PLBD2: variants seen among roughly 807,000 people sequenced by gnomAD.
PLBD2 encodes putative aminopeptidase PLBD2.
A neutral mutation model predicts 68.3 loss-of-function variants in PLBD2; 51 were observed. The ratio of observed to expected loss-of-function variants is 0.75; its 90% CI spans 0.60 to 0.94. The LOEUF is 0.94. Ranked by LOEUF, PLBD2 falls within the 40% of genes least tolerant of loss-of-function variation. The pLI, the probability that PLBD2 is intolerant of heterozygous loss-of-function variation, is 0.00. For synonymous variants in PLBD2, 314 were observed against 339.3 expected (o/e 0.93, Z 0.82); for missense variants, 729 against 792.2 (o/e 0.92, Z 0.96).
At chr12:113,371,824 C>A (rs1957391203) in intron 2 of PLBD2, among the ~76,000 whole-genome samples, 1 of 152,240 alleles carries the variant, frequency 6.6e-6, no homozygotes, top group African/African-American at 2.4e-5. Flanking sequence ...ACCATTCAAC[C>A]TCAGCTCTGT....
intron 8 of PLBD2, 77 bp from the exon 9 acceptor site, chr12:113,385,135 G>A: frequency 6.7e-7 from 1 of 1,484,572 alleles, no homozygotes; most frequent in South Asian, 1.2e-5. Flanking sequence ...GGAGCCATCG[G>A]GGCTCCCCGA....
intron 1 of PLBD2, among the ~76,000 whole-genome samples, chr12:113,367,466 G>A (rs1265353297): frequency 4.6e-5 from 7 of 152,112 alleles, no homozygotes; most frequent in Admixed American, 4.6e-4. Context: ...TAGAAGTGCA[G>A]AGCCCGGGCA....
chr12:113,383,127 A>G (rs1957512540), intron 6 of PLBD2, among the ~76,000 whole-genome samples: 1 of 152,154 alleles, frequency 6.6e-6, no homozygotes, highest in African/African-American at 2.4e-5. Flanking sequence ...AGGCAATCGG[A>G]GGCAGCGGTG....
chr12:113,387,756 C>T lies in PLBD2; in HGVS notation c.1452C>T (p.Phe484=), dbSNP rs139158811. Residue 484 remains phenylalanine (F), a synonymous_variant, in exon 11 of 12, where the codon TTC becomes TTT. Transcript: ENST00000280800. ...SMVRLMRYND[F]LHDPLSLCKA... is the part of the protein sequence containing the mutation. ...TTTCCCCATCCAGGTACAATGACTT[C>T]CTCCATGACCCTCTGTCACTGTGCA... The T allele has an allele frequency of 6.2e-7, 1 of 1,613,876 alleles. No individual in the cohort carries two copies. The highest frequency in any genetic ancestry group is 1.3e-5 in the African/African-American group (1 of 74,932).
rs1186066926 is a variant in PLBD2, at chr12:113,358,642, C to CCGGGCGCTGACG, written c.52_63dup (p.Thr18_Leu21dup). 7 of 1,464,292 alleles carry CCGGGCGCTGACG rather than the reference C, an allele frequency of 4.8e-6. No homozygotes were observed. Among genetic ancestry groups the CCGGGCGCTGACG allele is most frequent in the East Asian group, 3.0e-5 (1 of 32,948 alleles). 90.7% of individuals were successfully genotyped at this position (1,464,292 alleles called of 1,614,324 possible). On this transcript the variant is annotated inframe_insertion, in exon 1 of 12. Coordinates refer to ENST00000280800, the MANE Select transcript of PLBD2 (RefSeq NM_173542.4). ...ACTGCTACCCCGGCAGCCACCTGGC[C>CCGGGCGCTGACG]CGGGCGCTGACGCGGGCGCTGGCGC...
At chr12:113,374,305 G>C (rs1407269555) in intron 3 of PLBD2, among the ~76,000 whole-genome samples, 169 bp from the exon 4 acceptor site, 1 of 152,158 alleles carries the variant, frequency 6.6e-6, no homozygotes, top group Non-Finnish European at 1.5e-5. Context: ...GCTCAGCATG[G>C]AGGGGTGGGT....
intron 2 of PLBD2, among the ~76,000 whole-genome samples, chr12:113,371,436 A>G (rs1261872157): frequency 1.3e-5 from 2 of 152,178 alleles, no homozygotes; most frequent in African/African-American, 2.4e-5. Flanking sequence ...GTCCAGTGGG[A>G]CACCCTTTTA....
chr12:113,387,502 T>G (rs1593293158), intron 10 of PLBD2, among the ~76,000 whole-genome samples: 1 of 152,068 alleles, frequency 6.6e-6, no homozygotes, highest in South Asian at 2.1e-4. Context: ...GCTGGGGTGG[T>G]GGCATGGAGG....
At chr12:113,378,324 C>T (rs906197799) in intron 5 of PLBD2, among the ~76,000 whole-genome samples, 6 of 151,916 alleles carry the variant, frequency 3.9e-5, no homozygotes, top group African/African-American at 1.2e-4. Flanking sequence ...GGGTGGGCTT[C>T]ATGCATGGAA....
intron 3 of PLBD2, among the ~76,000 whole-genome samples, chr12:113,373,263 G>C (rs1285720328): frequency 6.6e-6 from 1 of 152,252 alleles, no homozygotes; most frequent in East Asian, 1.9e-4. Context: ...GCAGCTAACG[G>C]AGAGGCCCAG....
intron 1 of PLBD2, among the ~76,000 whole-genome samples, chr12:113,364,959 C>T (rs1318814230): frequency 6.6e-6 from 1 of 152,130 alleles, no homozygotes; most frequent in Non-Finnish European, 1.5e-5. Flanking sequence ...CAGACCAAGT[C>T]GGAGGGACCC....
At chr12:113,366,525 G>T (rs1327770539) in intron 1 of PLBD2, among the ~76,000 whole-genome samples, 1 of 151,156 alleles carries the variant, frequency 6.6e-6, no homozygotes, top group Non-Finnish European at 1.5e-5. Flanking sequence ...CATCCAGGCT[G>T]GAGTGCAGTG....
intron 5 of PLBD2, among the ~76,000 whole-genome samples, chr12:113,378,970 G>A (rs192021447): frequency 4.6e-5 from 7 of 152,274 alleles, no homozygotes; most frequent in African/African-American, 7.2e-5. Flanking sequence ...CACTGTGCCC[G>A]GCCTACTGGT....
Position 113,384,905 on chromosome 12 carries a change from C to G in PLBD2, c.1173C>G (p.Pro391=), listed in dbSNP as rs1957534738. 3 of 1,613,906 alleles carry G rather than the reference C, an allele frequency of 1.9e-6. No individual in the cohort carries two copies. Among genetic ancestry groups the G allele is most frequent in the Non-Finnish European group, 2.5e-6 (3 of 1,180,014 alleles). Residue 391 remains proline (P), a synonymous_variant, in exon 8 of 12, where the codon CCC becomes CCG. Coordinates refer to ENST00000280800, the MANE Select transcript of PLBD2 (RefSeq NM_173542.4). This position sits in a 1 kb window ranked among gnomAD's most constrained non-coding sequence, Gnocchi z 4.2. ...ACAAGGCGTTCATCCCGGGTGGGCC[C>G]AGCCCCGGGAGCCGGGTGCTTACCA... The part of the protein sequence containing the change: ...VDYKAFIPGG[P]SPGSRVLTIL...
chr12:113,388,325 G>T, intron 11 of PLBD2, 134 bp from the exon 12 acceptor site: 1 of 866,802 alleles, frequency 1.2e-6, no homozygotes, highest in Non-Finnish European at 1.7e-6. Flanking sequence ...CTGGGTGACA[G>T]AGCAGAGACT....
At position 113,384,138 on chromosome 12, in the gene PLBD2, C is replaced by A. The variant is rs977039373; in HGVS notation, c.991C>A (p.Pro331Thr). 17 of 1,613,028 alleles carry A rather than the reference C, an allele frequency of 1.1e-5. No individual in the cohort carries two copies. In the Admixed American group the frequency reaches 1.8e-4, roughly 17 times the overall value. Residue 331 changes from proline to threonine, a missense_variant, in exon 7 of 12, where the codon CCA becomes ACA. Coordinates refer to ENST00000280800, the MANE Select transcript of PLBD2 (RefSeq NM_173542.4). The surrounding 1 kb of genome is among the most constrained non-coding windows in gnomAD (Gnocchi z 4.2). ...TLETTIGNKN[P>T]ALWKYVRPRG... is the part of the protein sequence containing the mutation. ...GGAGACCACCATTGGCAACAAGAAC[C>A]CAGCCCTGTGGAAGTATGTGCGGCC...
chr12:113,363,537 CTTTT>C (rs1224575042), intron 1 of PLBD2, among the ~76,000 whole-genome samples: 1 of 133,504 alleles, frequency 7.5e-6, no homozygotes. Flanking sequence ...ACATTTTTAG[CTTTT>C]TTTTTTTTTT....
chr12:113,378,894 G>A (rs991746353), intron 5 of PLBD2, among the ~76,000 whole-genome samples: 1 of 152,142 alleles, frequency 6.6e-6, no homozygotes, highest in African/African-American at 2.4e-5. Flanking sequence ...ATGTTGGTAA[G>A]GCTGGTCTCA....
chr12:113,375,069 G>T (rs891879127), intron 5 of PLBD2, 62 bp downstream of exon 5: 22 of 1,494,596 alleles, frequency 1.5e-5, no homozygotes, highest in Non-Finnish European at 1.8e-5. Context: ...GTGGGGAGTG[G>T]TCCTAGGAGG....
Sources: allele counts gnomAD v4.1 joint callset (sites outside exome capture counted in the v4.1 genomes callset), GRCh38; gene constraint gnomAD v4.1.1; non-coding constraint Gnocchi (gnomAD v3.1); transcripts MANE v1.5; gene names NCBI Gene and HGNC (gene_info 2026-07-23, HGNC 2026-07-21).